The following ZNF470 variants were observed in gnomAD, a reference collection of about 807,000 sequenced individuals.
ZNF470 encodes chondrogenesis zinc finger protein 1.
In ZNF470, 13 loss-of-function variants were observed where a neutral mutation model predicts 13.9. The observed-to-expected ratio is 0.94, with a 90% CI of 0.61 to 1.49. The LOEUF is 1.49. Ranked by LOEUF, ZNF470 falls within the 40% of genes most tolerant of loss-of-function variation. The pLI is 0.00. For synonymous variants in ZNF470, 293 were observed against 282.9 expected, an observed-to-expected ratio of 1.04 and a Z score of -0.36; for missense variants, 929 against 857.3, an observed-to-expected ratio of 1.08 and a Z score of -1.04.
At chr19:56,571,517 A>C (rs547849527) in intron 3 of ZNF470, among the ~76,000 whole-genome samples, 2 of 152,324 alleles carry the variant, frequency 1.3e-5, no homozygotes, top group East Asian at 3.9e-4. Flanking sequence ...TTTCACCAGC[A>C]AATTGCTTAT....
At position 56,581,086 on chromosome 19, in the gene ZNF470, G is replaced by C. The variant is rs1197652979; in HGVS notation, c.*2503G>C. Reference sequence around the variant, plus strand: ...ATGGTGGAAAACATCATAGTCAATAGATAAATGAGAGACTGACACAAAGTG... The same window carrying C: ...ATGGTGGAAAACATCATAGTCAATACATAAATGAGAGACTGACACAAAGTG... On this transcript the variant is annotated 3_prime_UTR_variant, in exon 6 of 6. Coordinates refer to ENST00000330619, the MANE Select transcript of ZNF470 (RefSeq NM_001001668.4). 2 of 982,660 alleles carry C rather than the reference G, an allele frequency of 2.0e-6. No homozygotes were observed. Among genetic ancestry groups the C allele is most frequent in the Non-Finnish European group, 2.4e-6 (2 of 827,554 alleles). 60.9% of individuals were successfully genotyped at this position (982,660 alleles called of 1,614,324 possible). A position where few individuals can be genotyped will look rare whatever the true frequency, so the allele number is the denominator to read the frequency against.
intron 1 of ZNF470, among the ~76,000 whole-genome samples, chr19:56,568,474 T>A (rs888829963): frequency 2.0e-5 from 3 of 152,184 alleles, no homozygotes; most frequent in African/African-American, 7.2e-5. Context: ...CATTCCAGCC[T>A]TTCTATGGCT....
intron 3 of ZNF470, among the ~76,000 whole-genome samples, chr19:56,572,340 C>CAAAAAAAA (rs564410370): frequency 1.8e-4 from 3 of 16,408 alleles, no homozygotes; most frequent in South Asian, 2.7e-3. Context: ...CCTGTCTCTA[C>CAAAAAAAA]AAAAAAAAAA....
In ZNF470 at chr19:56,581,962, C is replaced by T. The variant is rs2044539415; in HGVS notation, c.*3379C>T. The T allele has an allele frequency of 2.0e-6, 2 of 985,372 alleles. No individual in the cohort carries two copies. The highest frequency in any genetic ancestry group is 3.5e-5 in the African/African-American group (2 of 57,340). The allele number at this position is 985,372 out of a possible 1,614,324, so 61.0% of individuals were successfully genotyped here. The stretch of plus-strand genomic sequence containing the variant: ...CCAAGTCTGTGATTCCTCAAACTAC[C>T]CATTGTCTTTCCGGTACTTGATTTT... On this transcript the variant is annotated 3_prime_UTR_variant, in exon 6 of 6. Transcript: ENST00000330619.
intron 3 of ZNF470, among the ~76,000 whole-genome samples, 181 bp downstream of exon 3, chr19:56,570,552 C>T (rs1287681555): frequency 6.6e-6 from 1 of 152,148 alleles, no homozygotes; most frequent in African/African-American, 2.4e-5. Flanking sequence ...AGCCCAGTGC[C>T]CTCTCAGAGG....
Position 56,581,040 on chromosome 19 carries a change from A to T in ZNF470, c.*2457A>T. On this transcript the variant is annotated 3_prime_UTR_variant, in exon 6 of 6. Transcript: ENST00000330619. Reference sequence around the variant, plus strand: ...CTTTAAGCACTAATGCATAACCCCAAAGCTGACATTAGGCTTTTATATGGT... The same window carrying T: ...CTTTAAGCACTAATGCATAACCCCATAGCTGACATTAGGCTTTTATATGGT... 1 of 985,296 alleles carries T rather than the reference A, an allele frequency of 1.0e-6. No individual in the cohort carries two copies. Among genetic ancestry groups the T allele is most frequent in the Non-Finnish European group, 1.2e-6 (1 of 829,802 alleles). The allele number at this position is 985,296 out of a possible 1,614,324, so 61.0% of individuals were successfully genotyped here.
In ZNF470 at chr19:56,578,428, C is replaced by T; in HGVS notation, c.1999C>T (p.His667Tyr). 3 of 1,612,282 alleles carry T rather than the reference C, an allele frequency of 1.9e-6. No homozygotes were observed. Among genetic ancestry groups the T allele is most frequent in the Non-Finnish European group, 1.7e-6 (2 of 1,179,048 alleles). ...AFSQVAHLTL[H>Y]KRIHTGERPY... ...CAGCCAGGTTGCCCATCTTACTCTA[C>T]ATAAGAGAATTCATACTGGAGAAAG... The change falls in exon 6 of 6, where the codon CAT becomes TAT. Residue 667 changes from histidine (H) to tyrosine (Y), a missense_variant. Physicochemically the swap from His to Tyr is moderately conservative, Grantham distance 83. Coordinates refer to ENST00000330619, the MANE Select transcript of ZNF470 (RefSeq NM_001001668.4).
Position 56,582,147 on chromosome 19 carries a change from G to T in ZNF470, c.*3564G>T. 1.0e-6 allele frequency: 1 copy of T among 985,406 alleles called. No individual in the cohort carries two copies. Among genetic ancestry groups the T allele is most frequent in the Non-Finnish European group, 1.2e-6 (1 of 829,916 alleles). 61.0% of individuals were successfully genotyped at this position (985,406 alleles called of 1,614,324 possible). On this transcript the variant is annotated 3_prime_UTR_variant, in exon 6 of 6. Coordinates refer to ENST00000330619, the MANE Select transcript of ZNF470 (RefSeq NM_001001668.4). ...TAAGACTTATATTCTAGACTGGAAA[G>T]CATCTCATGGTGTGCGATGAGCAAA...
chr19:56,578,632 AT>A lies in ZNF470; in HGVS notation c.*50del, dbSNP rs1568496739. ...GCATCCATCTGCTTTTTTCCAGCAC[AT>A]GTCCCATCATCATAGTCCAAGACGC... is the stretch of plus-strand genomic sequence containing the variant. On this transcript the variant is annotated 3_prime_UTR_variant, in exon 6 of 6. Transcript: ENST00000330619. 7.0e-7 allele frequency: 1 copy of A among 1,435,260 alleles called. No individual in the cohort carries two copies. The highest frequency in any genetic ancestry group is 9.2e-7 in the Non-Finnish European group (1 of 1,090,422). The allele number at this position is 1,435,260 out of a possible 1,614,324, so 88.9% of individuals were successfully genotyped here. A position where few individuals can be genotyped will look rare whatever the true frequency, so the allele number is the denominator to read the frequency against.
In ZNF470 at chr19:56,577,017, A is replaced by G; in HGVS notation, c.588A>G (p.Glu196=). 1.3e-6 allele frequency: 2 copies of G among 1,583,416 alleles called. No individual in the cohort carries two copies. The highest frequency in any genetic ancestry group is 1.7e-6 in the Non-Finnish European group (2 of 1,169,556). ...ATATAAAACAGATTTTTCCCATGGA[A>G]GAGAGAATATTTAATTTTCATACAG... is the stretch of plus-strand genomic sequence containing the variant. The part of the protein sequence containing the change: ...LSYIKQIFPM[E]ERIFNFHTDK... The change falls in exon 6 of 6, where the codon GAA becomes GAG. Residue 196 remains glutamate, a synonymous_variant. Coordinates refer to ENST00000330619, the MANE Select transcript of ZNF470 (RefSeq NM_001001668.4).
chr19:56,571,467 C>G (rs990684059), intron 3 of ZNF470, among the ~76,000 whole-genome samples: 4 of 152,262 alleles, frequency 2.6e-5, no homozygotes, highest in African/African-American at 9.6e-5. Context: ...AGCTTCAGAG[C>G]TACAGTTCAT....
rs573880013 is a variant in ZNF470 at position 56,575,211 on chromosome 19, T to C, written c.283+478T>C. On this transcript the variant is annotated intron_variant, in intron 5 of 5. Transcript: ENST00000330619. ...GGTCTGTTTTTTTCTCACTCTCTTCTTTATACCACCCCACCCTTTGAATTA... is the reference window on the plus strand; with the variant it reads ...GGTCTGTTTTTTTCTCACTCTCTTCCTTATACCACCCCACCCTTTGAATTA... 3.9e-5 allele frequency among the ~76,000 whole-genome samples: 6 copies of C among 152,272 alleles called. No homozygotes were observed. In the East Asian group the frequency reaches 1.2e-3, roughly 29 times the overall value.
intron 5 of ZNF470, among the ~76,000 whole-genome samples, chr19:56,574,944 CTT>C (rs1206635214): frequency 6.6e-6 from 1 of 152,138 alleles, no homozygotes; most frequent in Admixed American, 6.5e-5. Context: ...TTTCTGAGCT[CTT>C]GTTTTACTGA....
At chr19:56,572,657 G>C (rs1242247670) in intron 3 of ZNF470, among the ~76,000 whole-genome samples, 1 of 144,912 alleles carries the variant, frequency 6.9e-6, no homozygotes, top group East Asian at 2.0e-4. Flanking sequence ...AGTGGGTAAT[G>C]ATGTGGACAG....
Position 56,578,376 on chromosome 19 carries a change from T to G in ZNF470, c.1947T>G (p.Tyr649Ter). 1 of 1,611,502 alleles carries G rather than the reference T, an allele frequency of 6.2e-7. No homozygotes were observed. Among genetic ancestry groups the G allele is most frequent in the Non-Finnish European group, 8.5e-7 (1 of 1,178,628 alleles). ...GAATTCATACAGGAGAGAAACCTTA[T>G]GAGTGTAAGGAATGTAGCAAAGCCT... ...HQRIHTGEKP[Y>*]ECKECSKAFS... Residue 649 changes from tyrosine to a stop codon, truncating the protein, a stop_gained, in exon 6 of 6, where the codon TAT (tyrosine) becomes TAG (stop). Transcript: ENST00000330619. LOFTEE classifies it low-confidence loss of function (END_TRUNC).
At chr19:56,572,801 C>G (rs1305148755) in intron 3 of ZNF470, among the ~76,000 whole-genome samples, 1 of 151,900 alleles carries the variant, frequency 6.6e-6, no homozygotes, top group African/African-American at 2.4e-5. Context: ...GGAAAGTAGC[C>G]CTTAGGAATG....
rs2044541282 is a variant in ZNF470, at chr19:56,582,284, G to C, written c.*3701G>C. On this transcript the variant is annotated 3_prime_UTR_variant, in exon 6 of 6. Transcript: ENST00000330619. ...AATCCAAAAGGTATATGTAATACTG[G>C]TATCTAACTGCTTGGAATAACTTAA... 1.1e-5 allele frequency: 11 copies of C among 985,278 alleles called. No individual in the cohort carries two copies. The highest frequency in any genetic ancestry group is 1.3e-5 in the Non-Finnish European group (11 of 829,910). 61.0% of individuals were successfully genotyped at this position (985,278 alleles called of 1,614,324 possible). A position where few individuals can be genotyped will look rare whatever the true frequency, so the allele number is the denominator to read the frequency against.
chr19:56,574,252 G>C, intron 3 of ZNF470, 142 bp from the exon 4 acceptor site: 1 of 1,325,314 alleles, frequency 7.5e-7, no homozygotes, highest in Non-Finnish European at 1.1e-6. Context: ...TAACTTACCT[G>C]ACCCGGATCA....
chr19:56,570,185 G>T (rs978896168), intron 2 of ZNF470, 95 bp from the exon 3 acceptor site: 1 of 820,454 alleles, frequency 1.2e-6, no homozygotes, highest in African/African-American at 1.7e-5. Flanking sequence ...AGTGAGGACT[G>T]TGAGTGAGGA....
Sources: allele counts gnomAD v4.1 joint callset (sites outside exome capture counted in the v4.1 genomes callset), GRCh38; gene constraint gnomAD v4.1.1; transcripts MANE v1.5; gene names NCBI Gene and HGNC (gene_info 2026-07-23, HGNC 2026-07-21).